The following FHIT variants were observed in gnomAD, a reference collection of about 807,000 sequenced individuals.
The protein encoded by FHIT is fragile histidine triad diadenosine triphosphatase, also known as bis(5'-adenosyl)-triphosphatase.
FHIT carries 19 observed loss-of-function variants against 17.9 expected under a neutral mutation model. That is an observed-to-expected ratio of 1.06 (90% CI 0.74 to 1.56). The LOEUF (loss-of-function observed/expected upper bound fraction) is 1.56. Among genes scored for constraint, FHIT ranks in the 40% most tolerant of loss-of-function variants. FHIT has a pLI of 0.00. For missense variants in FHIT, 248 were observed against 189.2 expected (o/e 1.31, Z -1.82); for synonymous variants, 81 against 69.7 (o/e 1.16, Z -0.81).
intron 8 of FHIT, among the ~76,000 whole-genome samples, chr3:59,791,058 G>A (rs888349821): frequency 2.6e-5 from 4 of 152,066 alleles, no homozygotes; most frequent in East Asian, 1.9e-4. Flanking sequence ...TTAATGCTTC[G>A]TACTTAGGCC....
At chr3:60,772,314 CTATATATATATATATATA>C (rs61056807) in intron 4 of FHIT, among the ~76,000 whole-genome samples, 24,358 of 143,426 alleles carry the variant, frequency 0.17, 3,154 homozygotes, top group African/African-American at 0.36. Context: ...CACTTCTCAT[CTATATATATATATATATA>C]TATATATATA....
At chr3:60,346,229 G>A (rs905346422) in intron 5 of FHIT, among the ~76,000 whole-genome samples, 1 of 152,144 alleles carries the variant, frequency 6.6e-6, no homozygotes, top group African/African-American at 2.4e-5. Context: ...TACAGCATTG[G>A]AAACCTAGAA....
intron 4 of FHIT, among the ~76,000 whole-genome samples, chr3:60,789,142 ATG>A (rs1553727792): frequency 0.036 from 4,715 of 129,208 alleles, 153 homozygotes; most frequent in African/African-American, 0.1. Context: ...ATAGAGAGAG[ATG>A]TGTGTGTGTG....
intron 4 of FHIT, among the ~76,000 whole-genome samples, chr3:60,679,817 GT>G (rs1399223794): frequency 1.7e-4 from 26 of 151,318 alleles, no homozygotes; most frequent in South Asian, 1.3e-3. Flanking sequence ...AAATGATGGG[GT>G]TTTTTTTGCA....
intron 2 of FHIT, among the ~76,000 whole-genome samples, chr3:61,122,114 G>A (rs1005507462): frequency 6.6e-6 from 1 of 152,106 alleles, no homozygotes; most frequent in Non-Finnish European, 1.5e-5. Context: ...ATACTACAAG[G>A]CTACAGTAAC....
In FHIT at chr3:60,482,364, C is replaced by T. The variant is rs547234754; in HGVS notation, c.103+54496G>A. Among the ~76,000 whole-genome samples, 18 of 152,240 alleles carry T rather than the reference C, an allele frequency of 1.2e-4. 1 individual carries two copies. The highest frequency in any genetic ancestry group is 6.2e-4 in the South Asian group (3 of 4,810). On this transcript the variant is annotated intron_variant, in intron 5 of 9. Transcript: ENST00000492590. ...ACAGCTACAGAACTCCCTACCCCAA[C>T]GCAACAGAATACACATTCTTCTCAG... is the stretch of plus-strand genomic sequence containing the variant.
At chr3:60,390,883 A>G (rs889227887) in intron 5 of FHIT, among the ~76,000 whole-genome samples, 2 of 152,190 alleles carry the variant, frequency 1.3e-5, no homozygotes, top group African/African-American at 4.8e-5. Flanking sequence ...TTTATAAAGT[A>G]AAAAAGCTAC....
intron 3 of FHIT, among the ~76,000 whole-genome samples, chr3:60,929,182 C>T (rs1315263793): frequency 1.3e-5 from 2 of 152,178 alleles, no homozygotes; most frequent in Non-Finnish European, 2.9e-5. Context: ...TAAAAACTCT[C>T]AATAAATGAG....
intron 5 of FHIT, among the ~76,000 whole-genome samples, chr3:60,157,613 C>G (rs1700758484): frequency 1.3e-5 from 2 of 152,222 alleles, no homozygotes; most frequent in South Asian, 4.1e-4. Flanking sequence ...CAAACTTTCA[C>G]TGAGCTGTTT....
chr3:60,023,574 A>AGACACAT lies in FHIT; in HGVS notation c.104-9423_104-9422insATGTGTC, dbSNP rs1315957420. On this transcript the variant is annotated intron_variant, in intron 5 of 9. Transcript: ENST00000492590. ...GATCTTCCATATAGCTGGCCAAGCC[A>AGACACAT]ATGGAGCAACCAGACAACACAGTTC... Among the ~76,000 whole-genome samples, 4 of 152,360 alleles carry AGACACAT rather than the reference A, an allele frequency of 2.6e-5. No individual in the cohort carries two copies. In the East Asian group the frequency reaches 5.8e-4, roughly 22 times the overall value.
intron 5 of FHIT, among the ~76,000 whole-genome samples, chr3:60,324,573 GAAA>G (rs4022385): frequency 1.6e-5 from 2 of 128,852 alleles, no homozygotes; most frequent in Non-Finnish European, 3.2e-5. Flanking sequence ...GACTCCATCA[GAAA>G]AAAAAAAAAA....
intron 7 of FHIT, among the ~76,000 whole-genome samples, chr3:59,971,222 G>A (rs1483082981): frequency 6.6e-6 from 1 of 152,050 alleles, no homozygotes; most frequent in African/African-American, 2.4e-5. Flanking sequence ...GAAAGTAGTC[G>A]GCTTTACAAG....
intron 5 of FHIT, among the ~76,000 whole-genome samples, chr3:60,459,409 T>A (rs2032319484): frequency 6.6e-6 from 1 of 152,220 alleles, no homozygotes; most frequent in South Asian, 2.1e-4. Flanking sequence ...AAAATGAGAC[T>A]GCCTGAGACT....
intron 4 of FHIT, among the ~76,000 whole-genome samples, chr3:60,630,629 T>C (rs1200087085): frequency 6.6e-6 from 1 of 152,160 alleles, no homozygotes; most frequent in African/African-American, 2.4e-5. Context: ...CTGCCTACTA[T>C]GTGAGCCTTA....
At chr3:60,962,662 G>C (rs1360977308) in intron 3 of FHIT, among the ~76,000 whole-genome samples, 3 of 152,150 alleles carry the variant, frequency 2.0e-5, no homozygotes, top group Non-Finnish European at 4.4e-5. Flanking sequence ...TTTGTCAAAG[G>C]CCTTTTCTGC....
At chr3:60,066,669 T>G (rs1342966844) in intron 5 of FHIT, among the ~76,000 whole-genome samples, 1 of 102,092 alleles carries the variant, frequency 9.8e-6, no homozygotes, top group African/African-American at 4.3e-5. Context: ...TTTTTTTTTT[T>G]TTTTTGAGAT....
chr3:61,010,485 A>C (rs1405023208), intron 3 of FHIT, among the ~76,000 whole-genome samples: 2 of 152,202 alleles, frequency 1.3e-5, no homozygotes, highest in East Asian at 3.8e-4. Context: ...GACAAAACTA[A>C]TGTTTAGAAA....
At chr3:60,672,909 A>ATGTGTGTGTGTG (rs1559630040) in intron 4 of FHIT, among the ~76,000 whole-genome samples, 33 of 145,700 alleles carry the variant, frequency 2.3e-4, no homozygotes, top group African/African-American at 5.9e-4. Context: ...GTGTGTGTGC[A>ATGTGTGTGTGTG]TGCATGCTCT....
intron 4 of FHIT, among the ~76,000 whole-genome samples, chr3:60,799,878 C>CT (rs1282763583): frequency 6.6e-6 from 1 of 152,138 alleles, no homozygotes; most frequent in African/African-American, 2.4e-5. Flanking sequence ...TCTGTAAACT[C>CT]TTTGAGAGCC....
Sources: allele counts gnomAD v4.1 joint callset (sites outside exome capture counted in the v4.1 genomes callset), GRCh38; gene constraint gnomAD v4.1.1; transcripts MANE v1.5; gene names NCBI Gene and HGNC (gene_info 2026-07-23, HGNC 2026-07-21).